The following SULF2 variants were observed in gnomAD, a reference collection of about 807,000 sequenced individuals.
SULF2 encodes the protein extracellular sulfatase Sulf-2.
SULF2 carries 52 observed loss-of-function variants against 107.7 expected under a neutral mutation model. The observed-to-expected ratio is 0.48, with a 90% CI of 0.39 to 0.61. The LOEUF (loss-of-function observed/expected upper bound fraction) is 0.61. SULF2 is among the 20% of genes least tolerant of loss of function. The probability of loss-of-function intolerance (pLI) is 0.00; values close to 1 mark genes in which losing one functional copy is unlikely to be tolerated. For synonymous variants in SULF2, 460 were observed against 464.3 expected (o/e 0.99, Z 0.12); for missense variants, 993 against 1,177.3 (o/e 0.84, Z 2.29).
At chr20:47,749,139 G>A (rs1181282574) in intron 2 of SULF2, among the ~76,000 whole-genome samples, 1 of 152,242 alleles carries the variant, frequency 6.6e-6, no homozygotes, top group Non-Finnish European at 1.5e-5. Context: ...TGGAAGCTAC[G>A]CAGTAAGTAT....
chr20:47,717,099 A>G (rs1394393302), intron 3 of SULF2, among the ~76,000 whole-genome samples: 1 of 152,202 alleles, frequency 6.6e-6, no homozygotes, highest in Non-Finnish European at 1.5e-5. Context: ...TACCTGCTAG[A>G]AAACTCCACT....
At chr20:47,684,997 C>G (rs778812043) in intron 5 of SULF2, 61 of 159,300 alleles carry the variant, frequency 3.8e-4, no homozygotes, top group Non-Finnish European at 7.0e-4. Context: ...AACTCAAATT[C>G]CATAGCATTG....
intron 3 of SULF2, among the ~76,000 whole-genome samples, chr20:47,707,307 CT>C: frequency 1.3e-5 from 2 of 152,048 alleles, no homozygotes; most frequent in African/African-American, 4.8e-5. Context: ...ATTTTTTATT[CT>C]TCTTTTTTCT....
chr20:47,785,659 C>G (rs2090919170), upstream of SULF2, among the ~76,000 whole-genome samples: 1 of 146,698 alleles, frequency 6.8e-6, no homozygotes, highest in Non-Finnish European at 1.5e-5. Context: ...CCAGCCAGCC[C>G]CTTGGCACGG....
chr20:47,782,760 A>T (rs1384104021), intron 1 of SULF2, among the ~76,000 whole-genome samples: 1 of 152,046 alleles, frequency 6.6e-6, no homozygotes, highest in African/African-American at 2.4e-5. Flanking sequence ...CAGAAGAAAA[A>T]GCACCAGGCA....
At chr20:47,670,328 G>A (rs2087421133) in intron 11 of SULF2, among the ~76,000 whole-genome samples, 2 of 151,958 alleles carry the variant, frequency 1.3e-5, no homozygotes, top group African/African-American at 4.8e-5. Context: ...GAGTAGCAGG[G>A]ACTACAGGCG....
intron 2 of SULF2, among the ~76,000 whole-genome samples, chr20:47,756,514 C>A (rs2090286685): frequency 6.6e-6 from 1 of 152,164 alleles, no homozygotes; most frequent in African/African-American, 2.4e-5. Context: ...ACATTTGTTG[C>A]CACCAACAAC....
At chr20:47,778,822 C>A (rs1162507443) in intron 1 of SULF2, among the ~76,000 whole-genome samples, 1 of 152,180 alleles carries the variant, frequency 6.6e-6, no homozygotes, top group Admixed American at 6.5e-5. Flanking sequence ...AGATTCATGA[C>A]AGGCACTAGG....
intron 2 of SULF2, among the ~76,000 whole-genome samples, chr20:47,740,315 TCA>T (rs1025096268): frequency 2.0e-5 from 3 of 152,130 alleles, no homozygotes; most frequent in African/African-American, 7.2e-5. Context: ...TCACAAAATG[TCA>T]CAGTCACACG....
At chr20:47,758,758 TA>T (rs1416823991) in intron 1 of SULF2, among the ~76,000 whole-genome samples, 1 of 152,062 alleles carries the variant, frequency 6.6e-6, no homozygotes, top group African/African-American at 2.4e-5. Context: ...ATCATTTATT[TA>T]AAACAAGAGA....
At chr20:47,766,277 G>C (rs1395687994) in intron 1 of SULF2, among the ~76,000 whole-genome samples, 1 of 152,208 alleles carries the variant, frequency 6.6e-6, no homozygotes, top group South Asian at 2.1e-4. Context: ...AAGGACAGAA[G>C]CTCCTGTAAC....
chr20:47,705,681 T>G (rs1279601694), intron 3 of SULF2, among the ~76,000 whole-genome samples: 4 of 152,082 alleles, frequency 2.6e-5, no homozygotes, highest in Non-Finnish European at 4.4e-5. Flanking sequence ...TGATATCTGG[T>G]GGGTGGAGGC....
intron 16 of SULF2, 60 bp from the exon 17 acceptor site, chr20:47,663,272 A>G: frequency 6.2e-7 from 1 of 1,607,308 alleles, no homozygotes; most frequent in Non-Finnish European, 8.5e-7. Context: ...ATCTGCCAAC[A>G]GTGATTCCTG....
At chr20:47,735,586 T>C (rs1331281997) in intron 3 of SULF2, among the ~76,000 whole-genome samples, 1 of 152,216 alleles carries the variant, frequency 6.6e-6, no homozygotes, top group African/African-American at 2.4e-5. Context: ...CACATGTGGC[T>C]TTCTGCAGAG....
rs563503823 is a variant in SULF2 at position 47,675,353 on chromosome 20, G to C, written c.1380+1141C>G. ...GCGCCTAGGACAGTGCCTGGCAAGC[G>C]GGGGGACGCATTCATGCTGTACAAC... On this transcript the variant is annotated intron_variant, in intron 10 of 20. Coordinates refer to ENST00000688720, the MANE Select transcript of SULF2 (RefSeq NM_001387048.1). Among the ~76,000 whole-genome samples the C allele has an allele frequency of 2.0e-5, 3 of 152,262 alleles. No individual in the cohort carries two copies. In the East Asian group the frequency reaches 5.8e-4, roughly 29 times the overall value.
At chr20:47,705,556 C>T (rs1011633667) in intron 3 of SULF2, among the ~76,000 whole-genome samples, 3 of 152,190 alleles carry the variant, frequency 2.0e-5, no homozygotes, top group Non-Finnish European at 4.4e-5. Context: ...TGCCTCAATG[C>T]ATCCAGCTCC....
At chr20:47,682,920 G>A (rs1306340652) in intron 7 of SULF2, 74 bp downstream of exon 7, 8 of 1,462,730 alleles carry the variant, frequency 5.5e-6, no homozygotes, top group Non-Finnish European at 7.3e-6. Context: ...GTGGGCTTGG[G>A]TTTGGGCTGC....
chr20:47,668,648 G>A (rs936109770), intron 11 of SULF2, among the ~76,000 whole-genome samples: 1 of 152,252 alleles, frequency 6.6e-6, no homozygotes, highest in Non-Finnish European at 1.5e-5. Flanking sequence ...GCTCCTTGGA[G>A]GATGGCACGA....
chr20:47,786,298 C>G (rs573420247), upstream of SULF2: 1 of 152,216 alleles, frequency 6.6e-6, no homozygotes, highest in Non-Finnish European at 1.5e-5. Context: ...TCTCCTCTCT[C>G]GGAGCTGGAG....
Sources: gnomAD v4.1 joint callset for allele counts (sites outside exome capture counted in the v4.1 genomes callset) on GRCh38, gnomAD v4.1.1 for gene constraint, MANE v1.5 for transcripts, NCBI Gene and HGNC (gene_info 2026-07-23, HGNC 2026-07-21) for gene names.